The following TNRC6B variants were observed in gnomAD, a reference collection of about 807,000 sequenced individuals.
TNRC6B encodes trinucleotide repeat containing adaptor 6B.
In TNRC6B, 52 loss-of-function variants were observed where a neutral mutation model predicts 203.6. The ratio of observed to expected loss-of-function variants is 0.26; its 90% CI spans 0.20 to 0.32. The LOEUF (loss-of-function observed/expected upper bound fraction) is 0.32. TNRC6B is among the 10% of genes least tolerant of loss of function. The pLI is 1.00. For missense variants in TNRC6B, 1,923 were observed against 2,286.2 expected (o/e 0.84, Z 3.24); for synonymous variants, 838 against 845.7 (o/e 0.99, Z 0.16).
At chr22:40,282,868 C>T (rs1292539662) in intron 11 of TNRC6B, among the ~76,000 whole-genome samples, 1 of 151,958 alleles carries the variant, frequency 6.6e-6, no homozygotes, top group African/African-American at 2.4e-5. Context: ...AATTTGTATG[C>T]TTTTTTGAGT....
intron 4 of TNRC6B, among the ~76,000 whole-genome samples, chr22:40,165,971 G>GTTGTT (rs893188127): frequency 2.6e-5 from 4 of 151,898 alleles, no homozygotes; most frequent in Non-Finnish European, 4.4e-5. Context: ...TTTTTTTGTT[G>GTTGTT]TTGTTTTGTT....
chr22:40,332,942 T>C lies in TNRC6B; in HGVS notation c.*9701T>C, dbSNP rs2043997872. The C allele has an allele frequency of 1.3e-5, 2 of 152,590 alleles. No individual in the cohort carries two copies. Among genetic ancestry groups the C allele is most frequent in the South Asian group, 2.1e-4 (1 of 4,838 alleles). 9.5% of individuals were successfully genotyped at this position (152,590 alleles called of 1,614,324 possible). A position where few individuals can be genotyped will look rare whatever the true frequency, so the allele number is the denominator to read the frequency against. On this transcript the variant is annotated 3_prime_UTR_variant, in exon 23 of 23. Transcript: ENST00000454349. ...TCAGAAGTTTCAGATCTTTACTCTT[T>C]CATGTTTAAGAAGAAAGAGCAGAGG...
intron 1 of TNRC6B, among the ~76,000 whole-genome samples, chr22:40,189,755 T>C (rs1241338945): frequency 6.6e-6 from 1 of 152,246 alleles, no homozygotes; most frequent in Non-Finnish European, 1.5e-5. Context: ...TTCCCAGGTC[T>C]CTTCAAACAC....
Position 40,125,729 on chromosome 22 carries a change from G to C in TNRC6B, c.-46-43G>C, listed in dbSNP as rs2068486369. The C allele has an allele frequency of 4.3e-5, 63 of 1,477,932 alleles. No homozygotes were observed. In the Middle Eastern group the frequency reaches 5.6e-4, roughly 13 times the overall value. 91.6% of individuals were successfully genotyped at this position (1,477,932 alleles called of 1,614,324 possible). On this transcript the variant is annotated intron_variant, in intron 2 of 23. Coordinates refer to the TNRC6B transcript ENST00000301923. ...AAACCTTTGAAAAAAAAATTTTTTTGCCCTGAATTCCTTACATACTTTTTT... is the reference window on the plus strand; with the variant it reads ...AAACCTTTGAAAAAAAAATTTTTTTCCCCTGAATTCCTTACATACTTTTTT...
At chr22:40,097,772 T>A (rs1389633036) in intron 1 of TNRC6B, among the ~76,000 whole-genome samples, 3 of 152,012 alleles carry the variant, frequency 2.0e-5, no homozygotes, top group Non-Finnish European at 4.4e-5. Context: ...ATGTAATATA[T>A]ATGTTTTATA....
At chr22:40,070,354 CTT>C (rs2146279604) in intron 1 of TNRC6B, among the ~76,000 whole-genome samples, 1 of 152,196 alleles carries the variant, frequency 6.6e-6, no homozygotes, top group South Asian at 2.1e-4. Context: ...GATTTATTAA[CTT>C]TTGAAATTAA....
chr22:40,184,662 A>G (rs746789639), intron 1 of TNRC6B, among the ~76,000 whole-genome samples: 2 of 152,366 alleles, frequency 1.3e-5, no homozygotes, highest in South Asian at 2.1e-4. Context: ...ATCTCAGGTC[A>G]TAGTGGCCTG....
At chr22:40,311,903 G>T (rs1376032128) in intron 17 of TNRC6B, among the ~76,000 whole-genome samples, 2 of 152,098 alleles carry the variant, frequency 1.3e-5, no homozygotes, top group East Asian at 3.8e-4. Flanking sequence ...TTCTCATCAC[G>T]ATTTGGAAAA....
chr22:40,086,287 C>T (rs1177835931), intron 1 of TNRC6B, among the ~76,000 whole-genome samples: 3 of 152,102 alleles, frequency 2.0e-5, no homozygotes, highest in African/African-American at 7.2e-5. Flanking sequence ...TAAATTGATT[C>T]CCTAGTATCC....
In TNRC6B at chr22:40,332,118, G is replaced by A. The variant is rs1229209418; in HGVS notation, c.*8877G>A. The A allele has an allele frequency of 2.6e-5, 4 of 154,410 alleles. No individual in the cohort carries two copies. Among genetic ancestry groups the A allele is most frequent in the Non-Finnish European group, 4.3e-5 (3 of 69,336 alleles). The allele number at this position is 154,410 out of a possible 1,614,324, so 9.6% of individuals were successfully genotyped here. ...AAGCTCAGGAAACCACGCTTCACTC[G>A]TGCTGACCTGAAAGTTAATCTTTAG... On this transcript the variant is annotated 3_prime_UTR_variant, in exon 23 of 23. Transcript: ENST00000454349.
intron 12 of TNRC6B, among the ~76,000 whole-genome samples, chr22:40,286,520 G>C (rs957890202): frequency 6.6e-6 from 1 of 151,912 alleles, no homozygotes; most frequent in African/African-American, 2.4e-5. Flanking sequence ...AAAAAAAATA[G>C]AAAATGAGAA....
chr22:40,159,535 A>T (rs2068853037), intron 4 of TNRC6B, among the ~76,000 whole-genome samples: 1 of 151,694 alleles, frequency 6.6e-6, no homozygotes, highest in Non-Finnish European at 1.5e-5. Flanking sequence ...GCAACTCGGG[A>T]GGCTGAGGCA....
chr22:40,163,456 CAAAAAA>C lies in TNRC6B; in HGVS notation c.113+7293_113+7298del, dbSNP rs1180212519. Among the ~76,000 whole-genome samples, 12 of 7,000 alleles carry C rather than the reference CAAAAAA, an allele frequency of 1.7e-3. No homozygotes were observed. In the South Asian group the frequency reaches 0.1, roughly 58 times the overall value. 4.6% of individuals were successfully genotyped at this position (7,000 alleles called of 152,430 possible). On this transcript the variant is annotated intron_variant, in intron 4 of 23. Transcript: ENST00000301923. The stretch of plus-strand genomic sequence containing the variant: ...TAGATGACAGAATGAGACCCTGTCT[CAAAAAA>C]AAAAAAAAAAAAAAAAAAGGCCAGG...
At position 40,281,112 on chromosome 22, in the gene TNRC6B, T is replaced by C. The variant is rs981861386; in HGVS notation, c.3412-7T>C. The C allele has an allele frequency of 1.3e-6, 2 of 1,546,650 alleles. No individual in the cohort carries two copies. The highest frequency in any genetic ancestry group is 2.7e-5 in the African/African-American group (2 of 72,866). On this transcript the variant is annotated splice_polypyrimidine_tract_variant and splice_region_variant and intron_variant, in intron 10 of 22. Transcript: ENST00000454349. The stretch of plus-strand genomic sequence containing the variant: ...GTTGTGATTGGCTAACTCCTACTAC[T>C]TTTCAGCTGACTTTGCCTTTCTCCA...
intron 4 of TNRC6B, among the ~76,000 whole-genome samples, chr22:40,163,397 CAAAAAAAAAAAA>C (rs1032013873): frequency 5.0e-5 from 1 of 20,076 alleles, no homozygotes; most frequent in Non-Finnish European, 9.5e-5. Flanking sequence ...GACCCTGTCT[CAAAAAAAAAAAA>C]AAAAAAAAAA....
At chr22:40,305,359 G>A (rs1217573631) in intron 15 of TNRC6B, among the ~76,000 whole-genome samples, 1 of 152,176 alleles carries the variant, frequency 6.6e-6, no homozygotes, top group African/African-American at 2.4e-5. Flanking sequence ...GAAATTTCAG[G>A]GAAACCACTT....
chr22:40,262,868 T>G (rs1753948318), intron 4 of TNRC6B, among the ~76,000 whole-genome samples: 1 of 151,998 alleles, frequency 6.6e-6, no homozygotes, highest in South Asian at 2.1e-4. Flanking sequence ...TGAAACCCTG[T>G]CTCTACTAAA....
chr22:40,134,915 T>C (rs2068585687), intron 3 of TNRC6B, among the ~76,000 whole-genome samples: 1 of 152,244 alleles, frequency 6.6e-6, no homozygotes, highest in Non-Finnish European at 1.5e-5. Flanking sequence ...TTCTCATAAT[T>C]CTGTGTTTTC....
At chr22:40,112,688 A>G (rs1163848818) in intron 1 of TNRC6B, among the ~76,000 whole-genome samples, 1 of 152,166 alleles carries the variant, frequency 6.6e-6, no homozygotes, top group Non-Finnish European at 1.5e-5. Context: ...TGCTAGAGAA[A>G]GATTAAAGGA....
Sources: gnomAD v4.1 joint callset for allele counts (sites outside exome capture counted in the v4.1 genomes callset) on GRCh38, gnomAD v4.1.1 for gene constraint, MANE v1.5 for transcripts, NCBI Gene and HGNC (gene_info 2026-07-23, HGNC 2026-07-21) for gene names.